TBC1D22A: variants seen among roughly 807,000 people sequenced by gnomAD.
The protein encoded by TBC1D22A is TBC1 domain family member 22A, also known as putative GTPase activator.
TBC1D22A carries 38 observed loss-of-function variants against 60.2 expected under a neutral mutation model. That is an observed-to-expected ratio of 0.63 (90% CI 0.49 to 0.83). The LOEUF is 0.83. Among genes scored for constraint, TBC1D22A ranks in the 40% least tolerant of loss-of-function variants. The pLI is 0.00. For synonymous variants in TBC1D22A, 302 were observed against 281.7 expected, an observed-to-expected ratio of 1.07 and a Z score of -0.72; for missense variants, 628 against 701.0, an observed-to-expected ratio of 0.90 and a Z score of 1.18.
chr22:47,153,940 TG>T (rs1171144668), intron 12 of TBC1D22A, among the ~76,000 whole-genome samples: 31 of 152,038 alleles, frequency 2.0e-4, no homozygotes, highest in African/African-American at 7.5e-4. Flanking sequence ...TGGACTGGCC[TG>T]TGGCTCTGAA....
intron 10 of TBC1D22A, among the ~76,000 whole-genome samples, chr22:47,034,060 A>G (rs2148386178): frequency 6.6e-6 from 1 of 152,290 alleles, no homozygotes; most frequent in East Asian, 1.9e-4. Context: ...TGTTCTCTCC[A>G]CTTGCCGCGC....
intron 8 of TBC1D22A, among the ~76,000 whole-genome samples, chr22:46,912,477 C>G (rs746534511): frequency 3.9e-5 from 6 of 152,128 alleles, no homozygotes; most frequent in Non-Finnish European, 7.3e-5. Flanking sequence ...TAAAGGCCAT[C>G]ACAGTAATGG....
intron 8 of TBC1D22A, among the ~76,000 whole-genome samples, chr22:46,968,503 C>G (rs542282114): frequency 6.7e-6 from 1 of 149,334 alleles, no homozygotes; most frequent in African/African-American, 2.5e-5. Context: ...ACTGCGTGGC[C>G]GGCGGTCCTG....
chr22:46,944,524 A>G (rs891587957), intron 8 of TBC1D22A, among the ~76,000 whole-genome samples: 10 of 152,008 alleles, frequency 6.6e-5, no homozygotes, highest in South Asian at 4.2e-4. Context: ...TCAGCCTCCC[A>G]AGTAGCTGGG....
intron 4 of TBC1D22A, among the ~76,000 whole-genome samples, chr22:46,844,289 C>T (rs915204787): frequency 2.6e-5 from 4 of 152,036 alleles, no homozygotes; most frequent in Admixed American, 6.6e-5. Context: ...CTGTGTAGAC[C>T]GTGAACTATT....
chr22:47,132,636 C>T (rs2066716748), intron 12 of TBC1D22A, among the ~76,000 whole-genome samples: 1 of 152,232 alleles, frequency 6.6e-6, no homozygotes, highest in South Asian at 2.1e-4. Context: ...TCTTCCTCTT[C>T]CCTGGCCGTG....
intron 10 of TBC1D22A, among the ~76,000 whole-genome samples, chr22:47,000,764 A>T (rs959122966): frequency 2.6e-5 from 4 of 152,122 alleles, no homozygotes; most frequent in African/African-American, 9.7e-5. Context: ...GTGGCAGGCT[A>T]GATAATTTCA....
chr22:46,983,708 T>A (rs557697765), intron 9 of TBC1D22A, among the ~76,000 whole-genome samples: 31 of 151,474 alleles, frequency 2.0e-4, no homozygotes, highest in Middle Eastern at 3.4e-3. Context: ...TTTTTTTTTT[T>A]TATATTTTAT....
Position 46,793,518 on chromosome 22 carries a change from C to T in TBC1D22A, c.137C>T (p.Ala46Val), listed in dbSNP as rs370891201. ...LLHGTLLRST[A>V]KMPTTPVKAK... is the part of the protein sequence containing the mutation. ...CATTGCAGTTTGCTCAGGTCCACGG[C>T]CAAGATGCCGACCACACCAGTGAAG... The change falls in exon 3 of 13, where the codon GCC becomes GTC. Residue 46 changes from alanine to valine, a missense_variant. By Grantham distance (64) the Ala-to-Val change is moderately conservative (BLOSUM62 0). Coordinates refer to ENST00000337137, the MANE Select transcript of TBC1D22A (RefSeq NM_014346.5). The T allele has an allele frequency of 6.2e-7, 1 of 1,614,078 alleles. No individual in the cohort carries two copies. The highest frequency in any genetic ancestry group is 1.3e-5 in the African/African-American group (1 of 74,946).
At chr22:47,091,888 A>G (rs940364029) in intron 11 of TBC1D22A, among the ~76,000 whole-genome samples, 1 of 152,050 alleles carries the variant, frequency 6.6e-6, no homozygotes, top group African/African-American at 2.4e-5. Flanking sequence ...TCTCTTAATC[A>G]CCTGTTTTGG....
chr22:46,780,169 A>G (rs1451047167), intron 1 of TBC1D22A, among the ~76,000 whole-genome samples: 2 of 152,234 alleles, frequency 1.3e-5, no homozygotes, highest in Non-Finnish European at 2.9e-5. Flanking sequence ...TATTTCAGAA[A>G]GCTGCTATTG....
chr22:47,155,405 C>T (rs1047852396), intron 12 of TBC1D22A, among the ~76,000 whole-genome samples: 1 of 152,088 alleles, frequency 6.6e-6, no homozygotes, highest in Non-Finnish European at 1.5e-5. Context: ...TGGTTTGGTC[C>T]AGAACGTCAC....
chr22:46,811,564 A>G (rs1049714886), intron 4 of TBC1D22A, among the ~76,000 whole-genome samples: 3 of 152,198 alleles, frequency 2.0e-5, no homozygotes, highest in Non-Finnish European at 4.4e-5. Flanking sequence ...AGCAGCAGCA[A>G]CAGTCACAAG....
chr22:47,103,183 T>A (rs2065488680), intron 11 of TBC1D22A, among the ~76,000 whole-genome samples: 1 of 152,130 alleles, frequency 6.6e-6, no homozygotes, highest in Non-Finnish European at 1.5e-5. Flanking sequence ...TGTGTGTAAT[T>A]TCGTTCGGTT....
chr22:46,832,570 A>T (rs1183331098), intron 4 of TBC1D22A, among the ~76,000 whole-genome samples: 2 of 152,160 alleles, frequency 1.3e-5, no homozygotes, highest in Non-Finnish European at 2.9e-5. Context: ...CGCTTGAAAC[A>T]GAAAGGCAGA....
intron 7 of TBC1D22A, among the ~76,000 whole-genome samples, chr22:46,897,640 GTT>G (rs1210846664): frequency 1.0e-4 from 11 of 108,404 alleles, no homozygotes; most frequent in African/African-American, 3.4e-4. Context: ...GTTTCGTTTT[GTT>G]TTTTTTTGTG....
intron 11 of TBC1D22A, among the ~76,000 whole-genome samples, chr22:47,068,012 T>G (rs1003771691): frequency 1.3e-5 from 2 of 152,194 alleles, no homozygotes; most frequent in Admixed American, 6.5e-5. Context: ...AGCCTTCCAT[T>G]GAGAGGGGTC....
At chr22:46,920,697 G>A (rs1350077676) in intron 8 of TBC1D22A, among the ~76,000 whole-genome samples, 2 of 151,996 alleles carry the variant, frequency 1.3e-5, no homozygotes, top group Admixed American at 6.6e-5. Context: ...TGTTTATAGA[G>A]CACTTTATTA....
At chr22:47,144,448 G>C (rs1390123416) in intron 12 of TBC1D22A, among the ~76,000 whole-genome samples, 1 of 152,218 alleles carries the variant, frequency 6.6e-6, no homozygotes, top group Non-Finnish European at 1.5e-5. Flanking sequence ...ACTTTGGGGG[G>C]CCCTGAGGCC....
Sources: allele counts gnomAD v4.1 joint callset (sites outside exome capture counted in the v4.1 genomes callset), GRCh38; gene constraint gnomAD v4.1.1; transcripts MANE v1.5; gene names NCBI Gene and HGNC (gene_info 2026-07-23, HGNC 2026-07-21).